The following CTNNA2 variants were observed in gnomAD, a reference collection of about 807,000 sequenced individuals.
CTNNA2 encodes catenin alpha 2.
CTNNA2 carries 42 observed loss-of-function variants against 101.0 expected under a neutral mutation model. The observed-to-expected ratio is 0.42, with a 90% CI of 0.32 to 0.54. The LOEUF (loss-of-function observed/expected upper bound fraction) is 0.54, where lower values mean the gene tolerates loss of function less well. Ranked by LOEUF, CTNNA2 falls within the 20% of genes least tolerant of loss-of-function variation. The pLI is 0.14. For synonymous variants in CTNNA2, 450 were observed against 456.4 expected (o/e 0.99, Z 0.18); for missense variants, 871 against 1,223.1 (o/e 0.71, Z 4.29).
At chr2:79,811,657 G>T (rs1215990233) in intron 3 of CTNNA2, among the ~76,000 whole-genome samples, 1 of 152,010 alleles carries the variant, frequency 6.6e-6, no homozygotes, top group East Asian at 1.9e-4. Context: ...ATCAAGTAAT[G>T]CCTTCTAACT....
intron 7 of CTNNA2, among the ~76,000 whole-genome samples, chr2:80,306,764 A>G (rs1180300865): frequency 6.6e-6 from 1 of 151,648 alleles, no homozygotes; most frequent in Non-Finnish European, 1.5e-5. Flanking sequence ...GAGTACTGTG[A>G]GTACACACCA....
chr2:80,266,476 A>G (rs1280587710), intron 7 of CTNNA2, among the ~76,000 whole-genome samples: 1 of 152,204 alleles, frequency 6.6e-6, no homozygotes, highest in African/African-American at 2.4e-5. Flanking sequence ...CTTTTCGCCT[A>G]CAGGGCCTTC....
intron 12 of CTNNA2, among the ~76,000 whole-genome samples, chr2:80,569,215 C>T (rs1694336644): frequency 1.3e-5 from 2 of 152,138 alleles, no homozygotes; most frequent in African/African-American, 4.8e-5. Context: ...GGTTTAGGAT[C>T]TCGATCAACA....
At chr2:79,287,228 A>G (rs1387491394) in intron 2 of CTNNA2, among the ~76,000 whole-genome samples, 2 of 152,116 alleles carry the variant, frequency 1.3e-5, no homozygotes, top group African/African-American at 4.8e-5. Flanking sequence ...GAGTAATTTG[A>G]TCATCTGAAG....
chr2:80,528,761 G>A (rs1690263098), intron 9 of CTNNA2, among the ~76,000 whole-genome samples: 1 of 152,086 alleles, frequency 6.6e-6, no homozygotes. Context: ...AGACCCTTTG[G>A]GAGTTTTTGC....
At chr2:80,136,414 TAA>T (rs1702699435) in intron 7 of CTNNA2, among the ~76,000 whole-genome samples, 1 of 152,218 alleles carries the variant, frequency 6.6e-6, no homozygotes, top group Admixed American at 6.5e-5. Flanking sequence ...TTGCCAATGC[TAA>T]GTTTGTTGGC....
chr2:80,439,344 T>C (rs1453543818), intron 9 of CTNNA2, among the ~76,000 whole-genome samples: 1 of 152,166 alleles, frequency 6.6e-6, no homozygotes, highest in Non-Finnish European at 1.5e-5. Flanking sequence ...AATGAAGCAT[T>C]GGTTATAGCT....
chr2:80,529,330 A>T (rs1690319366), intron 9 of CTNNA2, among the ~76,000 whole-genome samples: 1 of 152,220 alleles, frequency 6.6e-6, no homozygotes. Flanking sequence ...TTTGGCCCAT[A>T]GACATAGATT....
intron 2 of CTNNA2, among the ~76,000 whole-genome samples, chr2:79,229,484 T>C (rs549021330): frequency 4.3e-4 from 65 of 152,298 alleles, no homozygotes; most frequent in Admixed American, 1.7e-3. Flanking sequence ...TCCACCATGA[T>C]TGTGTGACCT....
At chr2:79,462,558 G>A (rs769256863) in intron 4 of CTNNA2, among the ~76,000 whole-genome samples, 5 of 152,256 alleles carry the variant, frequency 3.3e-5, no homozygotes, top group Middle Eastern at 3.4e-3. Context: ...CAGAGTATAC[G>A]ACACAAAAAA....
intron 7 of CTNNA2, among the ~76,000 whole-genome samples, chr2:80,201,065 C>T (rs1249857980): frequency 3.3e-5 from 5 of 152,136 alleles, no homozygotes; most frequent in Admixed American, 2.0e-4. Flanking sequence ...AACCTGCACA[C>T]ATCCTCTCAT....
At chr2:80,046,917 T>A (rs1696568276) in intron 7 of CTNNA2, among the ~76,000 whole-genome samples, 1 of 152,218 alleles carries the variant, frequency 6.6e-6, no homozygotes, top group Non-Finnish European at 1.5e-5. Context: ...CGGATTCAAA[T>A]CTAGATCAGC....
chr2:79,991,546 T>G (rs1390228199), intron 7 of CTNNA2, among the ~76,000 whole-genome samples: 1 of 152,206 alleles, frequency 6.6e-6, no homozygotes, highest in Non-Finnish European at 1.5e-5. Context: ...AATGAATCCA[T>G]TGAATATGAG....
At chr2:80,036,516 G>T (rs939999824) in intron 7 of CTNNA2, among the ~76,000 whole-genome samples, 39 of 152,146 alleles carry the variant, frequency 2.6e-4, no homozygotes, top group Non-Finnish European at 4.4e-5. Context: ...GAGGTGGGAA[G>T]ATTGCTTGAG....
At chr2:80,393,020 T>C (rs1401012871) in intron 7 of CTNNA2, among the ~76,000 whole-genome samples, 191 bp from the exon 8 acceptor site, 1 of 152,210 alleles carries the variant, frequency 6.6e-6, no homozygotes, top group Non-Finnish European at 1.5e-5. Flanking sequence ...TATTGGTCTT[T>C]ATCAATTTTA....
chr2:79,415,806 T>C (rs1331563315), intron 4 of CTNNA2, among the ~76,000 whole-genome samples: 2 of 152,072 alleles, frequency 1.3e-5, no homozygotes, highest in Admixed American at 1.3e-4. Context: ...AATGCATAGG[T>C]CTATCTGTTC....
Position 79,875,645 on chromosome 2 carries a change from T to G in CTNNA2, c.852+1303T>G, listed in dbSNP as rs567191259. On this transcript the variant is annotated intron_variant, in intron 6 of 18. Coordinates refer to ENST00000402739, the MANE Select transcript of CTNNA2 (RefSeq NM_001282597.3). Reference sequence around the variant, plus strand: ...TTTTAACAGTTCATACTCAAATAGTTCTTACCATTTTCATAGTGGTCTCTC... The same window carrying G: ...TTTTAACAGTTCATACTCAAATAGTGCTTACCATTTTCATAGTGGTCTCTC... Among the ~76,000 whole-genome samples, 6 of 152,272 alleles carry G rather than the reference T, an allele frequency of 3.9e-5. No individual in the cohort carries two copies. The South Asian group carries it at 1.2e-3, about 32-fold the overall frequency.
At chr2:79,971,487 G>T (rs80265289) in intron 7 of CTNNA2, among the ~76,000 whole-genome samples, 1 of 152,028 alleles carries the variant, frequency 6.6e-6, no homozygotes, top group Non-Finnish European at 1.5e-5. Flanking sequence ...TTATCCTAAG[G>T]CAGGTGCTAT....
intron 7 of CTNNA2, among the ~76,000 whole-genome samples, chr2:80,177,649 A>C (rs1705478850): frequency 6.6e-6 from 1 of 152,116 alleles, no homozygotes; most frequent in Non-Finnish European, 1.5e-5. Context: ...CATCCTTTCC[A>C]CTTGATTATT....
Sources: allele counts gnomAD v4.1 joint callset (sites outside exome capture counted in the v4.1 genomes callset), GRCh38; gene constraint gnomAD v4.1.1; transcripts MANE v1.5; gene names NCBI Gene and HGNC (gene_info 2026-07-23, HGNC 2026-07-21).